Variants in C2orf76 observed in about 807,000 individuals in gnomAD.
The protein encoded by C2orf76 is chromosome 2 open reading frame 76, also known as UPF0538 protein C2orf76.
Under a neutral mutation model 16.9 loss-of-function variants are expected in C2orf76, and 23 were observed. The ratio of observed to expected loss-of-function variants is 1.36; its 90% CI spans 0.98 to 1.93. The LOEUF (loss-of-function observed/expected upper bound fraction) is 1.93. Among genes scored for constraint, C2orf76 ranks in the 30% most tolerant of loss-of-function variants. The pLI is 0.00. For synonymous variants in C2orf76, 48 were observed against 52.3 expected (o/e 0.92, Z 0.35); for missense variants, 152 against 152.6 (o/e 1.00, Z 0.02).
intron 3 of C2orf76, among the ~76,000 whole-genome samples, 154 bp from the exon 4 acceptor site, chr2:119,317,657 A>G (rs952215852): frequency 2.0e-5 from 3 of 152,214 alleles, no homozygotes; most frequent in African/African-American, 7.2e-5. Context: ...AGCAAAAGAA[A>G]AATTACTTCT....
chr2:119,281,266 C>G, the C2orf76 span, among the ~76,000 whole-genome samples: 2 of 152,170 alleles, frequency 1.3e-5, no homozygotes, highest in Admixed American at 6.5e-5. Context: ...TGCTCCTCTC[C>G]CTCCTCCCAA....
At chr2:119,329,038 G>A (rs1679594016) in intron 2 of C2orf76, among the ~76,000 whole-genome samples, 1 of 152,170 alleles carries the variant, frequency 6.6e-6, no homozygotes, top group African/African-American at 2.4e-5. Context: ...ATGTGCATTT[G>A]AAGGAAATGT....
At chr2:119,320,758 A>G (rs1195735787) in intron 3 of C2orf76, among the ~76,000 whole-genome samples, 4 of 152,226 alleles carry the variant, frequency 2.6e-5, no homozygotes, top group African/African-American at 9.6e-5. Context: ...CAAATAATGA[A>G]TGACAACATC....
At chr2:119,344,457 A>T (rs1209395680) in intron 1 of C2orf76, among the ~76,000 whole-genome samples, 1 of 152,236 alleles carries the variant, frequency 6.6e-6, no homozygotes, top group Non-Finnish European at 1.5e-5. Flanking sequence ...GATATAAAAG[A>T]TTTAAATAAA....
chr2:119,362,367 CCT>C (rs1427093814), intron 1 of C2orf76, among the ~76,000 whole-genome samples: 1 of 152,110 alleles, frequency 6.6e-6, no homozygotes, highest in Non-Finnish European at 1.5e-5. Context: ...GCCCCTAACC[CCT>C]GTGTTGTTCA....
At chr2:119,363,550 C>T (rs1185072540) in intron 1 of C2orf76, among the ~76,000 whole-genome samples, 1 of 152,024 alleles carries the variant, frequency 6.6e-6, no homozygotes, top group Non-Finnish European at 1.5e-5. Flanking sequence ...TTTGTGGATA[C>T]CCTAACCCTC....
intron 2 of C2orf76, among the ~76,000 whole-genome samples, chr2:119,334,949 G>A (rs1459305069): frequency 6.6e-6 from 1 of 152,090 alleles, no homozygotes; most frequent in Admixed American, 6.5e-5. Flanking sequence ...GGGATACACT[G>A]CTATACCTGT....
At chr2:119,287,228 A>G in the C2orf76 span, among the ~76,000 whole-genome samples, 1 of 152,240 alleles carries the variant, frequency 6.6e-6, no homozygotes, top group African/African-American at 2.4e-5. Flanking sequence ...TGCCTGGCTC[A>G]GTCTCGCTTC....
the C2orf76 span, among the ~76,000 whole-genome samples, chr2:119,289,990 G>C: frequency 4.6e-5 from 7 of 151,878 alleles, no homozygotes; most frequent in African/African-American, 7.2e-5. Flanking sequence ...ATAGGGTTTT[G>C]TACACTATCC....
chr2:119,315,308 C>T (rs1158720048), intron 4 of C2orf76, among the ~76,000 whole-genome samples: 1 of 152,072 alleles, frequency 6.6e-6, no homozygotes, highest in Non-Finnish European at 1.5e-5. Context: ...AGGAAAGTCT[C>T]TAAGCCCAGA....
the C2orf76 span, among the ~76,000 whole-genome samples, chr2:119,282,232 C>T: frequency 6.6e-6 from 1 of 152,118 alleles, no homozygotes; most frequent in South Asian, 2.1e-4. Context: ...CCAGGCAATC[C>T]TATGTGGATC....
At chr2:119,315,466 C>A (rs1679139802) in intron 4 of C2orf76, among the ~76,000 whole-genome samples, 1 of 152,088 alleles carries the variant, frequency 6.6e-6, no homozygotes, top group Non-Finnish European at 1.5e-5. Context: ...ATGCCACAGG[C>A]CCCGCAGATG....
intron 5 of C2orf76, among the ~76,000 whole-genome samples, chr2:119,306,292 T>C (rs1433579554): frequency 6.6e-6 from 1 of 151,988 alleles, no homozygotes; most frequent in African/African-American, 2.4e-5. Flanking sequence ...AGCCACAGAA[T>C]CCCACAATAT....
intron 4 of C2orf76, among the ~76,000 whole-genome samples, 168 bp from the exon 5 acceptor site, chr2:119,311,871 C>T (rs923834643): frequency 1.3e-5 from 2 of 152,072 alleles, no homozygotes; most frequent in African/African-American, 4.8e-5. Context: ...GAGGTCCTGC[C>T]GAGCTCACGC....
the C2orf76 span, among the ~76,000 whole-genome samples, chr2:119,289,630 G>A: frequency 6.6e-6 from 1 of 151,618 alleles, no homozygotes; most frequent in African/African-American, 2.4e-5. Flanking sequence ...AGGTTGCAGT[G>A]AGCCGAGATC....
At chr2:119,296,855 CTGTCTCT>C in the C2orf76 span, among the ~76,000 whole-genome samples, 1 of 152,204 alleles carries the variant, frequency 6.6e-6, no homozygotes, top group Non-Finnish European at 1.5e-5. Context: ...AGATGGGGAA[CTGTCTCT>C]TGGCTGTGGT....
chr2:119,345,631 A>G (rs906063140), intron 1 of C2orf76, among the ~76,000 whole-genome samples: 4 of 152,224 alleles, frequency 2.6e-5, no homozygotes, highest in Admixed American at 2.0e-4. Flanking sequence ...GTGGCTTTCC[A>G]AGTGAGGGTT....
chr2:119,353,281 C>G (rs903314867), intron 1 of C2orf76, among the ~76,000 whole-genome samples: 2 of 152,102 alleles, frequency 1.3e-5, no homozygotes, highest in Non-Finnish European at 2.9e-5. Flanking sequence ...GATAAATGCT[C>G]ACCATTTACA....
At chr2:119,333,538 G>A (rs1258381873) in intron 2 of C2orf76, among the ~76,000 whole-genome samples, 1 of 152,216 alleles carries the variant, frequency 6.6e-6, no homozygotes, top group Admixed American at 6.5e-5. Context: ...GCAACAAGGA[G>A]GAATCACCTA....
Sources: gnomAD v4.1 joint callset for allele counts (sites outside exome capture counted in the v4.1 genomes callset) on GRCh38, gnomAD v4.1.1 for gene constraint, MANE v1.5 for transcripts, NCBI Gene and HGNC (gene_info 2026-07-23, HGNC 2026-07-21) for gene names.